The following NHS variants were observed in gnomAD, a reference collection of about 807,000 sequenced individuals.
The protein encoded by NHS is actin remodeling regulator NHS.
A neutral mutation model predicts 72.5 loss-of-function variants in NHS; 5 were observed. The ratio of observed to expected loss-of-function variants is 0.07; its 90% CI spans 0.04 to 0.14. The LOEUF (loss-of-function observed/expected upper bound fraction) is 0.14. Among genes scored for constraint, NHS ranks in the 10% least tolerant of loss-of-function variants. NHS has a pLI of 1.00. For missense variants in NHS, 1,072 were observed against 1,355.7 expected (o/e 0.79, Z 3.29); for synonymous variants, 464 against 547.7 (o/e 0.85, Z 2.13).
In NHS at chrX:17,376,214, C is replaced by T. The variant is rs368477089; in HGVS notation, c.457C>T (p.Leu153Phe). 73 of 1,186,163 alleles carry T rather than the reference C, an allele frequency of 6.2e-5. No individual in the cohort carries two copies. Among genetic ancestry groups the T allele is most frequent in the Non-Finnish European group, 7.8e-5 (69 of 888,838 alleles). The change falls in exon 1 of 9, where the codon CTC becomes TTC. Residue 153 changes from leucine (L) to phenylalanine (F), a missense_variant. Coordinates refer to ENST00000676302, the MANE Select transcript of NHS (RefSeq NM_001291867.2). ...ARHACSLFQE[L>F]ESDIQLTHRR... ...GCACGCTTGCAGCCTCTTCCAGGAGCTCGAGAGCGACATCCAGCTCACCCA... is the reference window on the plus strand; with the variant it reads ...GCACGCTTGCAGCCTCTTCCAGGAGTTCGAGAGCGACATCCAGCTCACCCA...
chrX:17,715,641 T>C (rs1289398605), intron 3 of NHS, among the ~76,000 whole-genome samples: 1 of 111,790 alleles, frequency 8.9e-6, no homozygotes, highest in African/African-American at 3.3e-5. Context: ...TGCAGGTTTG[T>C]TATATGGGTA....
chrX:17,474,915 A>G (rs113970797), intron 1 of NHS, among the ~76,000 whole-genome samples: 3,943 of 111,174 alleles, frequency 0.035, 185 homozygotes, highest in African/African-American at 0.12. Flanking sequence ...AAGCCTTTCA[A>G]ATGGCATCAT....
At chrX:17,511,813 C>A (rs993535200) in intron 1 of NHS, among the ~76,000 whole-genome samples, 1 of 110,590 alleles carries the variant, frequency 9.0e-6, no homozygotes, top group African/African-American at 3.3e-5. Flanking sequence ...CATCTCATTG[C>A]CTTCCTGGGG....
At chrX:17,615,582 T>C (rs1426883399) in intron 1 of NHS, among the ~76,000 whole-genome samples, 1 of 110,189 alleles carries the variant, frequency 9.1e-6, no homozygotes, top group Non-Finnish European at 1.9e-5. Context: ...AGTATTGCCA[T>C]GGTCTCCATG....
At chrX:17,379,296 A>T (rs2064363310) in intron 1 of NHS, among the ~76,000 whole-genome samples, 1 of 110,126 alleles carries the variant, frequency 9.1e-6, no homozygotes, top group Non-Finnish European at 1.9e-5. Flanking sequence ...AGACACTGTG[A>T]CTGGTGATGG....
In NHS at chrX:17,734,650, GACC is replaced by G. The variant is rs1165855354; in HGVS notation, c.*2191_*2193del. The G allele has an allele frequency of 8.9e-6, 1 of 111,925 alleles. No individual in the cohort carries two copies. The highest frequency in any genetic ancestry group is 3.3e-5 in the African/African-American group (1 of 30,545). 9.2% of individuals were successfully genotyped at this position (111,925 alleles called of 1,213,427 possible). ...AATATTTTGGGGTTTGAATAAAATGGACCACCATTTCTCATTGGAACCCATTAA... is the reference window on the plus strand; with the variant it reads ...AATATTTTGGGGTTTGAATAAAATGGACCATTTCTCATTGGAACCCATTAA... On this transcript the variant is annotated 3_prime_UTR_variant, in exon 9 of 9. Transcript: ENST00000676302.
intron 1 of NHS, among the ~76,000 whole-genome samples, chrX:17,426,165 T>A (rs778493616): frequency 8.9e-6 from 1 of 112,205 alleles, no homozygotes; most frequent in East Asian, 2.8e-4. Context: ...ATCAAGTTGG[T>A]AGCTTGAAAT....
intron 1 of NHS, among the ~76,000 whole-genome samples, chrX:17,502,509 G>GGGGACCTCAGC (rs1320033662): frequency 3.1e-4 from 6 of 19,597 alleles, no homozygotes; most frequent in African/African-American, 8.3e-4. Context: ...GTCAGGGTTG[G>GGGGACCTCAGC]CCGGGCGCGG....
At chrX:17,607,249 C>T (rs1399910969) in intron 1 of NHS, among the ~76,000 whole-genome samples, 1 of 111,668 alleles carries the variant, frequency 9.0e-6, no homozygotes, top group African/African-American at 3.3e-5. Context: ...GTTTTTGTTC[C>T]CTGCCTTGTA....
At chrX:17,434,037 G>A (rs887240562) in intron 1 of NHS, among the ~76,000 whole-genome samples, 6 of 111,717 alleles carry the variant, frequency 5.4e-5, no homozygotes, top group Non-Finnish European at 9.4e-5. Flanking sequence ...ATTCTCTCTC[G>A]GGCCTTGGAG....
intron 1 of NHS, among the ~76,000 whole-genome samples, chrX:17,542,673 A>G (rs1391820377): frequency 9.1e-6 from 1 of 110,106 alleles, no homozygotes; most frequent in African/African-American, 3.4e-5. Flanking sequence ...ACTTTTCCTT[A>G]TGGAAGTCCT....
intron 1 of NHS, among the ~76,000 whole-genome samples, chrX:17,539,591 G>C (rs1483946791): frequency 9.0e-6 from 1 of 110,873 alleles, no homozygotes; most frequent in East Asian, 2.9e-4. Flanking sequence ...CCTAGCACAT[G>C]TCTGGGACCT....
intron 1 of NHS, among the ~76,000 whole-genome samples, chrX:17,485,293 A>G (rs756776685): frequency 1.8e-5 from 2 of 112,831 alleles, no homozygotes; most frequent in Non-Finnish European, 3.7e-5. Context: ...TTTTTATGCT[A>G]TCACATTCTA....
chrX:17,430,307 C>CTTTCT (rs1569252775), intron 1 of NHS, among the ~76,000 whole-genome samples: 1 of 66,994 alleles, frequency 1.5e-5, no homozygotes, highest in African/African-American at 6.0e-5. Flanking sequence ...TTCTTTCTTT[C>CTTTCT]TTTCTTTCCT....
At chrX:17,635,176 T>G in intron 1 of NHS, 1 of 447,092 alleles carries the variant, frequency 2.2e-6, no homozygotes, top group Non-Finnish European at 3.0e-6. Context: ...CCAACTGCAA[T>G]TGGAGTAGCA....
At chrX:17,382,711 C>G (rs1299519773) in intron 1 of NHS, among the ~76,000 whole-genome samples, 1 of 112,451 alleles carries the variant, frequency 8.9e-6, no homozygotes, top group Non-Finnish European at 1.9e-5. Flanking sequence ...ACCTCCCCCA[C>G]CTATGACTTT....
chrX:17,593,739 C>CTTCTT (rs1444534455), intron 1 of NHS, among the ~76,000 whole-genome samples: 1 of 111,674 alleles, frequency 9.0e-6, no homozygotes, highest in Non-Finnish European at 1.9e-5. Flanking sequence ...GAGCTGTAAA[C>CTTCTT]TTCTTACATG....
chrX:17,459,412 A>G (rs988731828), intron 1 of NHS, among the ~76,000 whole-genome samples: 2 of 111,864 alleles, frequency 1.8e-5, no homozygotes, highest in African/African-American at 6.5e-5. Flanking sequence ...GGGTGGAGTG[A>G]TGATTTCACA....
At chrX:17,671,394 C>T (rs770283578) in intron 1 of NHS, among the ~76,000 whole-genome samples, 1 of 112,652 alleles carries the variant, frequency 8.9e-6, no homozygotes, top group Admixed American at 9.4e-5. Flanking sequence ...TTCAGCCTGA[C>T]TCCTATGCAT....
Sources: allele counts gnomAD v4.1 joint callset (sites outside exome capture counted in the v4.1 genomes callset), GRCh38; gene constraint gnomAD v4.1.1; transcripts MANE v1.5; gene names NCBI Gene and HGNC (gene_info 2026-07-23, HGNC 2026-07-21).